Variants in OPCML observed in about 807,000 individuals in gnomAD.
OPCML encodes opioid binding protein/cell adhesion molecule like, also known as opioid-binding protein/cell adhesion molecule.
Under a neutral mutation model 37.8 loss-of-function variants are expected in OPCML, and 13 were observed. That is an observed-to-expected ratio of 0.34 (90% confidence interval 0.22 to 0.55). The LOEUF (loss-of-function observed/expected upper bound fraction) is 0.55, where lower values mean the gene tolerates loss of function less well. Ranked by LOEUF, OPCML falls within the 20% of genes least tolerant of loss-of-function variation. OPCML has a pLI of 0.91. For synonymous variants in OPCML, 176 were observed against 168.8 expected (o/e 1.04, Z -0.33); for missense variants, 341 against 435.6 (o/e 0.78, Z 1.93).
intron 1 of OPCML, among the ~76,000 whole-genome samples, chr11:133,033,758 A>G (rs980923800): frequency 6.6e-5 from 10 of 152,214 alleles, no homozygotes; most frequent in African/African-American, 2.4e-4. Context: ...ATATGCAGCT[A>G]GTGGTTATAG....
At chr11:132,687,915 C>A (rs889666973) in intron 2 of OPCML, among the ~76,000 whole-genome samples, 1 of 152,092 alleles carries the variant, frequency 6.6e-6, no homozygotes, top group South Asian at 2.1e-4. Context: ...ATTTGCTTTG[C>A]AAATTGGGCT....
chr11:133,029,608 T>C (rs1000841451), intron 1 of OPCML, among the ~76,000 whole-genome samples: 16 of 152,102 alleles, frequency 1.1e-4, no homozygotes, highest in Non-Finnish European at 2.2e-4. Flanking sequence ...CCTGAGCAAA[T>C]TAATGCAGGA....
At chr11:132,685,690 G>C (rs1357033296) in intron 2 of OPCML, among the ~76,000 whole-genome samples, 3 of 152,058 alleles carry the variant, frequency 2.0e-5, no homozygotes, top group Non-Finnish European at 4.4e-5. Context: ...CTTTTATTCA[G>C]TCAGTTTGAG....
intron 2 of OPCML, among the ~76,000 whole-genome samples, chr11:132,942,530 G>A (rs1945612914): frequency 2.6e-5 from 4 of 152,132 alleles, no homozygotes; most frequent in Admixed American, 2.6e-4. Flanking sequence ...GTGGTCCTGA[G>A]GACGATCCTG....
intron 4 of OPCML, among the ~76,000 whole-genome samples, chr11:132,496,895 A>T (rs149582672): frequency 6.6e-6 from 1 of 152,308 alleles, no homozygotes; most frequent in African/African-American, 2.4e-5. Context: ...CATAATGATG[A>T]TCAGCTATCT....
At chr11:132,485,068 T>C (rs2096195115) in intron 4 of OPCML, among the ~76,000 whole-genome samples, 1 of 150,364 alleles carries the variant, frequency 6.7e-6, no homozygotes, top group African/African-American at 2.5e-5. Context: ...TAAAGTATAA[T>C]AATAAAAAAA....
chr11:132,673,658 T>C (rs983172257), intron 2 of OPCML, among the ~76,000 whole-genome samples: 4 of 152,174 alleles, frequency 2.6e-5, no homozygotes, highest in African/African-American at 9.6e-5. Context: ...CTTTCTGTTT[T>C]GGTCATTGAG....
At chr11:133,421,815 G>T (rs1348990013) in intron 1 of OPCML, 11 of 967,916 alleles carry the variant, frequency 1.1e-5, no homozygotes, top group Non-Finnish European at 1.4e-5. Context: ...GAGTCCTCAG[G>T]CACCACAGAG....
intron 1 of OPCML, among the ~76,000 whole-genome samples, chr11:133,058,306 C>T (rs777535222): frequency 3.3e-5 from 5 of 151,814 alleles, no homozygotes; most frequent in Admixed American, 3.3e-4. Context: ...AGTGAAGTTC[C>T]CCAGAAAGAA....
intron 2 of OPCML, among the ~76,000 whole-genome samples, chr11:132,714,549 T>C (rs1944395379): frequency 6.6e-6 from 1 of 151,764 alleles, no homozygotes; most frequent in African/African-American, 2.4e-5. Context: ...AGAATGAAAG[T>C]GTAGAAGTTA....
At chr11:132,874,071 C>A (rs918933439) in intron 2 of OPCML, among the ~76,000 whole-genome samples, 1 of 152,162 alleles carries the variant, frequency 6.6e-6, no homozygotes, top group East Asian at 1.9e-4. Context: ...TTCCCCATTA[C>A]GAAGGTTCTG....
intron 2 of OPCML, among the ~76,000 whole-genome samples, chr11:132,720,080 A>C (rs898307794): frequency 6.6e-6 from 1 of 152,222 alleles, no homozygotes; most frequent in Non-Finnish European, 1.5e-5. Flanking sequence ...TTGCACTGGA[A>C]AGGGAAATAT....
chr11:132,641,421 C>T (rs1940844785), intron 3 of OPCML, among the ~76,000 whole-genome samples: 1 of 152,160 alleles, frequency 6.6e-6, no homozygotes, highest in African/African-American at 2.4e-5. Context: ...ATGCTCCCAG[C>T]ACCTGCCTGG....
At chr11:132,981,667 C>T (rs12363869) in intron 1 of OPCML, among the ~76,000 whole-genome samples, 27,112 of 152,082 alleles carry the variant, frequency 0.18, 2,672 homozygotes, top group African/African-American at 0.21. Flanking sequence ...AAAAAGACAG[C>T]GATGGATGCC....
At chr11:133,217,473 G>A (rs545946150) in intron 1 of OPCML, among the ~76,000 whole-genome samples, 162 of 152,282 alleles carry the variant, frequency 1.1e-3, no homozygotes, top group African/African-American at 3.7e-3. Context: ...GTGTGCTCAG[G>A]AGGACATTTC....
intron 2 of OPCML, among the ~76,000 whole-genome samples, chr11:132,682,082 C>G (rs544933489): frequency 6.6e-6 from 1 of 152,126 alleles, no homozygotes; most frequent in Non-Finnish European, 1.5e-5. Flanking sequence ...ACTCAGGTAT[C>G]CCCCCAGATG....
At chr11:132,665,599 G>A (rs1021400060) in intron 2 of OPCML, among the ~76,000 whole-genome samples, 3 of 152,084 alleles carry the variant, frequency 2.0e-5, no homozygotes, top group Admixed American at 2.0e-4. Context: ...TTCCTATCTT[G>A]GTAAAAGAAG....
At chr11:132,492,406 T>C (rs533490975) in intron 4 of OPCML, among the ~76,000 whole-genome samples, 21 of 152,188 alleles carry the variant, frequency 1.4e-4, no homozygotes, top group South Asian at 2.1e-4. Context: ...ACCAGCAGGA[T>C]CTGCTGATGT....
At chr11:133,160,926 A>C (rs1012298592) in intron 1 of OPCML, among the ~76,000 whole-genome samples, 1 of 152,256 alleles carries the variant, frequency 6.6e-6, no homozygotes, top group Non-Finnish European at 1.5e-5. Context: ...CTGAGCAAGC[A>C]GGCTGCCATG....
Sources: allele counts gnomAD v4.1 joint callset (sites outside exome capture counted in the v4.1 genomes callset), GRCh38; gene constraint gnomAD v4.1.1; transcripts MANE v1.5; gene names NCBI Gene and HGNC (gene_info 2026-07-23, HGNC 2026-07-21).